EYS: variants seen among roughly 807,000 people sequenced by gnomAD.
EYS encodes the protein EGF-like photoreceptor maintenance factor.
A neutral mutation model predicts 282.1 loss-of-function variants in EYS; 250 were observed. That is an observed-to-expected ratio of 0.89 (90% CI 0.80 to 0.98). EYS has a LOEUF of 0.98. Among genes scored for constraint, EYS ranks in the 50% least tolerant of loss-of-function variants. The pLI is 0.00. For synonymous variants in EYS, 1,355 were observed against 1,282.9 expected (o/e 1.06, Z -1.20); for missense variants, 4,016 against 3,709.0 (o/e 1.08, Z -2.15).
intron 32 of EYS, among the ~76,000 whole-genome samples, chr6:64,077,507 C>T (rs538486991): frequency 9.1e-4 from 138 of 152,076 alleles, no homozygotes; most frequent in Non-Finnish European, 1.5e-3. Flanking sequence ...GTCAATTACT[C>T]TTATCTAAGA....
At chr6:65,606,552 G>C (rs1211434204) in intron 2 of EYS, among the ~76,000 whole-genome samples, 1 of 151,740 alleles carries the variant, frequency 6.6e-6, no homozygotes, top group Non-Finnish European at 1.5e-5. Context: ...GCCCTGATTA[G>C]ATCAATTTTG....
intron 12 of EYS, among the ~76,000 whole-genome samples, chr6:65,137,236 T>G (rs1776047389): frequency 6.6e-6 from 1 of 152,082 alleles, no homozygotes; most frequent in Admixed American, 6.6e-5. Context: ...CACTCTAGTT[T>G]CTCTGAGGAA....
intron 22 of EYS, among the ~76,000 whole-genome samples, chr6:64,630,943 C>T (rs534767401): frequency 3.3e-5 from 5 of 152,270 alleles, no homozygotes; most frequent in South Asian, 4.1e-4. Flanking sequence ...TTATCCCATA[C>T]GTATTTATTC....
Position 63,984,645 on chromosome 6 carries a change from C to A in EYS, c.6835-42G>T. The A allele has an allele frequency of 2.2e-6, 3 of 1,353,524 alleles. No homozygotes were observed. The South Asian group carries it at 3.8e-5, about 17-fold the overall frequency. The allele number at this position is 1,353,524 out of a possible 1,614,324, so 83.8% of individuals were successfully genotyped here. The stretch of plus-strand genomic sequence containing the variant: ...AACAAAAAATATTATAGGTTGTTGT[C>A]AGATTATGTGGAAAAGATGTAGGAT... On this transcript the variant is annotated intron_variant, in intron 34 of 42. Transcript: ENST00000503581.
intron 35 of EYS, among the ~76,000 whole-genome samples, chr6:63,972,355 C>A (rs919773522): frequency 3.9e-5 from 6 of 152,074 alleles, no homozygotes; most frequent in African/African-American, 1.4e-4. Flanking sequence ...CCCCTCTACA[C>A]AAATGATGAA....
At chr6:65,651,963 TC>T (rs768946427) in intron 1 of EYS, among the ~76,000 whole-genome samples, 4 of 152,022 alleles carry the variant, frequency 2.6e-5, no homozygotes, top group East Asian at 3.8e-4. Flanking sequence ...TATAAAAGAT[TC>T]TTTTTTTTTA....
chr6:65,061,329 T>C (rs1460465210), intron 12 of EYS, among the ~76,000 whole-genome samples: 1 of 151,996 alleles, frequency 6.6e-6, no homozygotes, highest in African/African-American at 2.4e-5. Context: ...TTCAAAAGTT[T>C]CTGGGCAGAC....
intron 30 of EYS, among the ~76,000 whole-genome samples, chr6:64,291,723 T>G (rs1768714981): frequency 2.6e-5 from 4 of 152,104 alleles, no homozygotes; most frequent in Admixed American, 2.6e-4. Context: ...TTGTCTCTAT[T>G]TTCTTTTATT....
At chr6:64,450,920 T>G (rs988460202) in intron 26 of EYS, among the ~76,000 whole-genome samples, 3 of 151,794 alleles carry the variant, frequency 2.0e-5, no homozygotes, top group African/African-American at 7.3e-5. Context: ...GATCTAAAAT[T>G]GAGACCCTAA....
chr6:65,579,352 C>T (rs1049965882), intron 2 of EYS, among the ~76,000 whole-genome samples: 14 of 151,988 alleles, frequency 9.2e-5, no homozygotes, highest in African/African-American at 3.1e-4. Flanking sequence ...GGAATATAAA[C>T]AGTATGCTGA....
At chr6:64,854,140 A>C (rs915288893) in intron 19 of EYS, among the ~76,000 whole-genome samples, 4 of 152,098 alleles carry the variant, frequency 2.6e-5, no homozygotes, top group African/African-American at 9.7e-5. Context: ...GAACACTTTT[A>C]CACTGTTGCT....
chr6:65,590,126 T>G (rs900036850), intron 2 of EYS, among the ~76,000 whole-genome samples: 2 of 151,994 alleles, frequency 1.3e-5, no homozygotes, highest in Non-Finnish European at 1.5e-5. Context: ...TAATATTAAG[T>G]GTAATTGTAA....
intron 5 of EYS, among the ~76,000 whole-genome samples, chr6:65,428,549 C>T (rs1767751248): frequency 6.6e-6 from 1 of 151,644 alleles, no homozygotes; most frequent in Admixed American, 6.6e-5. Context: ...ACTATCCAAG[C>T]TGGAATTGTA....
intron 31 of EYS, among the ~76,000 whole-genome samples, chr6:64,117,341 T>A: frequency 1.5e-5 from 2 of 134,454 alleles, no homozygotes; most frequent in Non-Finnish European, 3.3e-5. Context: ...CCCCCCCCAA[T>A]TAGTAGAAGG....
chr6:63,807,679 T>C (rs545420416), intron 36 of EYS, among the ~76,000 whole-genome samples: 23 of 152,296 alleles, frequency 1.5e-4, no homozygotes, highest in South Asian at 2.1e-4. Context: ...ATGTGTGGCA[T>C]AGGTTAAATG....
intron 22 of EYS, among the ~76,000 whole-genome samples, chr6:64,694,189 C>T (rs1000584698): frequency 1.3e-5 from 2 of 152,014 alleles, no homozygotes; most frequent in South Asian, 4.1e-4. Flanking sequence ...AGAGGCTTTG[C>T]CAGCATGACT....
intron 12 of EYS, among the ~76,000 whole-genome samples, chr6:65,236,976 G>A (rs1224433254): frequency 1.3e-5 from 2 of 151,956 alleles, no homozygotes; most frequent in Admixed American, 6.6e-5. Flanking sequence ...GATTAAGTTG[G>A]GTATAAGGTC....
intron 5 of EYS, among the ~76,000 whole-genome samples, chr6:65,428,716 A>G (rs13202559): frequency 0.21 from 31,910 of 152,068 alleles, 3,583 homozygotes; most frequent in South Asian, 0.37. Context: ...AGATAATCTT[A>G]CATCATATTG....
At chr6:65,575,355 T>TAAATAAATA (rs1263839216) in intron 2 of EYS, among the ~76,000 whole-genome samples, 1 of 148,888 alleles carries the variant, frequency 6.7e-6, no homozygotes, top group African/African-American at 2.4e-5. Flanking sequence ...AATAAATAAA[T>TAAATAAATA]ATTGATTAAA....
Sources: gnomAD v4.1 joint callset for allele counts (sites outside exome capture counted in the v4.1 genomes callset) on GRCh38, gnomAD v4.1.1 for gene constraint, MANE v1.5 for transcripts, NCBI Gene and HGNC (gene_info 2026-07-23, HGNC 2026-07-21) for gene names.